The following CSNK1D variants were observed in gnomAD, a reference collection of about 807,000 sequenced individuals.
The protein encoded by CSNK1D is casein kinase I isoform delta.
In CSNK1D, 16 loss-of-function variants were observed where a neutral mutation model predicts 46.6. That is an observed-to-expected ratio of 0.34 (90% CI 0.23 to 0.52). CSNK1D has a LOEUF of 0.52. CSNK1D is among the 20% of genes least tolerant of loss of function. CSNK1D has a pLI of 0.95. For missense variants in CSNK1D, 398 were observed against 578.4 expected, an observed-to-expected ratio of 0.69 and a Z score of 3.20; for synonymous variants, 276 against 228.2, an observed-to-expected ratio of 1.21 and a Z score of -1.89.
At chr17:82,247,815 T>C in intron 8 of CSNK1D, 2 of 985,456 alleles carry the variant, frequency 2.0e-6, no homozygotes, top group Non-Finnish European at 2.4e-6. Context: ...CCAAAATCCC[T>C]GCATCTTTGG....
chr17:82,253,518 C>T, intron 3 of CSNK1D: 2 of 461,168 alleles, frequency 4.3e-6, no homozygotes, highest in South Asian at 3.9e-5. Context: ...GACAACCCGC[C>T]ACTAGACATC....
rs986726708 is a variant in CSNK1D, at chr17:82,244,821, C to T, written c.1208G>A (p.Arg403Gln). ...AGACTGAAGACCACTGGAAGCCACC[C>T]GACCAGGAATCTGTCGGAGCCAAAG... ...SRMSTSQIPG[R>Q]VASSGLQSVV... The change falls in exon 9 of 9, where the codon CGG (arginine) becomes CAG (glutamine). Residue 403 changes from arginine (R) to glutamine (Q), a missense_variant. This residue lies in a region of CSNK1D where 181 missense variants were observed against 208.0 expected (regional missense o/e 0.87). Coordinates refer to ENST00000314028, the MANE Select transcript of CSNK1D (RefSeq NM_001893.6). 8.1e-6 allele frequency: 13 copies of T among 1,613,898 alleles called. No homozygotes were observed. Among genetic ancestry groups the T allele is most frequent in the East Asian group, 4.5e-5 (2 of 44,880 alleles).
Position 82,248,520 on chromosome 17 carries a change from G to C in CSNK1D, c.1197+355C>G. 1 of 1,132,364 alleles carries C rather than the reference G, an allele frequency of 8.8e-7. No homozygotes were observed. Among genetic ancestry groups the C allele is most frequent in the Non-Finnish European group, 1.1e-6 (1 of 916,792 alleles). The allele number at this position is 1,132,364 out of a possible 1,614,324, so 70.1% of individuals were successfully genotyped here. A position where few individuals can be genotyped will look rare whatever the true frequency, so the allele number is the denominator to read the frequency against. ...ATGAGGAAGGCTCCCTCGGGCTGGG[G>C]GCACCCACAATGGGGCGCAAGCAGG... On this transcript the variant is annotated intron_variant, in intron 8 of 8. Transcript: ENST00000314028. This position sits in a 1 kb window ranked among gnomAD's most constrained non-coding sequence, Gnocchi z 4.1.
At chr17:82,273,720 A>C, upstream of CSNK1D, 5 of 417,850 alleles carry the variant, frequency 1.2e-5, no homozygotes, top group South Asian at 1.0e-4. The surrounding 1 kb of genome is among the most constrained non-coding windows in gnomAD (Gnocchi z 5.1). Flanking sequence ...TCCCCTAGCA[A>C]CCCGGCGGGG....
In CSNK1D at chr17:82,243,982, G is replaced by A. The variant is rs941561029; in HGVS notation, c.*799C>T. The A allele has an allele frequency of 2.0e-6, 2 of 986,362 alleles. No individual in the cohort carries two copies. Among genetic ancestry groups the A allele is most frequent in the African/African-American group, 1.7e-5 (1 of 57,322 alleles). The allele number at this position is 986,362 out of a possible 1,614,324, so 61.1% of individuals were successfully genotyped here. On this transcript the variant is annotated 3_prime_UTR_variant, in exon 9 of 9. Coordinates refer to ENST00000314028, the MANE Select transcript of CSNK1D (RefSeq NM_001893.6). ...CTGGGGAAGAAGCGCGCAGTGCTTT[G>A]CCTGGTAACACCCACTGCACCCCTG...
At position 82,249,122 on chromosome 17, in the gene CSNK1D, T is replaced by C; in HGVS notation, c.1058-108A>G. 1 of 1,358,328 alleles carries C rather than the reference T, an allele frequency of 7.4e-7. No homozygotes were observed. Among genetic ancestry groups the C allele is most frequent in the Non-Finnish European group, 1.0e-6 (1 of 999,828 alleles). The allele number at this position is 1,358,328 out of a possible 1,614,324, so 84.1% of individuals were successfully genotyped here. A position where few individuals can be genotyped will look rare whatever the true frequency, so the allele number is the denominator to read the frequency against. On this transcript the variant is annotated intron_variant, in intron 7 of 8. Transcript: ENST00000314028. The surrounding 1 kb of genome is among the most constrained non-coding windows in gnomAD (Gnocchi z 6.7). ...AGAGGACCCTGGGCTGCCTGGACAGTCAGGACCTGGCTGTGGCCGATGGCC... is the reference window on the plus strand; with the variant it reads ...AGAGGACCCTGGGCTGCCTGGACAGCCAGGACCTGGCTGTGGCCGATGGCC...
chr17:82,240,235 G>A (rs572573023), downstream of CSNK1D: 21 of 423,116 alleles, frequency 5.0e-5, no homozygotes, highest in South Asian at 4.0e-4. Context: ...AGCAGTTGCA[G>A]GGATCAAGGT....
At chr17:82,265,391 C>T (rs1007083011) in intron 2 of CSNK1D, 2 of 403,380 alleles carry the variant, frequency 5.0e-6, no homozygotes, top group African/African-American at 2.1e-5. Context: ...GTTGGCCAGG[C>T]TAGTCTCAAA....
In CSNK1D at chr17:82,243,636, G is replaced by A. The variant is rs2147147591; in HGVS notation, c.*1145C>T. On this transcript the variant is annotated 3_prime_UTR_variant, in exon 9 of 9. Coordinates refer to ENST00000314028, the MANE Select transcript of CSNK1D (RefSeq NM_001893.6). Reference sequence around the variant, plus strand: ...CGGTTGGGAGAGTCACCTGCTCCTTGGCACCTCAGGGTGGGTCCTTCTGGC... The same window carrying A: ...CGGTTGGGAGAGTCACCTGCTCCTTAGCACCTCAGGGTGGGTCCTTCTGGC... 1 of 985,486 alleles carries A rather than the reference G, an allele frequency of 1.0e-6. No homozygotes were observed. Among genetic ancestry groups the A allele is most frequent in the Middle Eastern group, 5.2e-4 (1 of 1,914 alleles). The allele number at this position is 985,486 out of a possible 1,614,324, so 61.0% of individuals were successfully genotyped here. A position where few individuals can be genotyped will look rare whatever the true frequency, so the allele number is the denominator to read the frequency against.
chr17:82,246,504 A>C (rs1599575900), intron 8 of CSNK1D: 4 of 1,064,080 alleles, frequency 3.8e-6, no homozygotes, highest in South Asian at 2.9e-5. Flanking sequence ...CCAAGTAAAA[A>C]CCCCAAACAG....
rs374955482 is a variant in CSNK1D, at chr17:82,250,460, G to T, written c.886-858C>A. 3.1e-6 allele frequency: 1 copy of T among 326,558 alleles called. No individual in the cohort carries two copies. The highest frequency in any genetic ancestry group is 2.2e-5 in the African/African-American group (1 of 45,702). The allele number at this position is 326,558 out of a possible 1,614,324, so 20.2% of individuals were successfully genotyped here. A position where few individuals can be genotyped will look rare whatever the true frequency, so the allele number is the denominator to read the frequency against. ...CAGGAGGGTCGCTCTGATTCCTCCC[G>T]AGGCAGCACAGCCCCGGCAGAGGGA... On this transcript the variant is annotated intron_variant, in intron 6 of 8. Transcript: ENST00000314028. This position sits in a 1 kb window ranked among gnomAD's most constrained non-coding sequence, Gnocchi z 4.6.
rs369895747 is a variant in CSNK1D at position 82,252,969 on chromosome 17, G to A, written c.565+47C>T. 228 of 1,547,398 alleles carry A rather than the reference G, an allele frequency of 1.5e-4. No individual in the cohort carries two copies. The highest frequency in any genetic ancestry group is 1.9e-4 in the South Asian group (17 of 89,264). On this transcript the variant is annotated intron_variant, in intron 4 of 8. Coordinates refer to ENST00000314028, the MANE Select transcript of CSNK1D (RefSeq NM_001893.6). The surrounding 1 kb of genome is among the most constrained non-coding windows in gnomAD (Gnocchi z 4.6). ...CCTCTCCCTGGGCTGAGGCATGGAC[G>A]CGCCCAAAGGCACCCCAGGTCAGTG...
rs112553966 is a variant in CSNK1D, at chr17:82,251,827, G to GAA, written c.737-302_737-301dup. On this transcript the variant is annotated intron_variant, in intron 5 of 8. Transcript: ENST00000314028. The surrounding 1 kb of genome is among the most constrained non-coding windows in gnomAD (Gnocchi z 4.5). Reference sequence around the variant, plus strand: ...AACACAGTGAAACCCCATCTCTACTGAAAAAAAAAAAAAAAAAGTTCTAGA... The same window carrying GAA: ...AACACAGTGAAACCCCATCTCTACTGAAAAAAAAAAAAAAAAAAAGTTCTAGA... 5.0e-3 allele frequency: 1,314 copies of GAA among 264,958 alleles called. No homozygotes were observed. The highest frequency in any genetic ancestry group is 8.3e-3 in the South Asian group (256 of 30,928). The allele number at this position is 264,958 out of a possible 1,614,324, so 16.4% of individuals were successfully genotyped here.
At position 82,249,538 on chromosome 17, in the gene CSNK1D, T is replaced by C. The variant is rs1212089510; in HGVS notation, c.950A>G (p.His317Arg). The C allele has an allele frequency of 7.1e-6, 11 of 1,546,560 alleles. No individual in the cohort carries two copies. The highest frequency in any genetic ancestry group is 9.6e-6 in the Non-Finnish European group (11 of 1,148,108). ...ERRDREERLR[H>R]SRNPATRGLP... is the part of the protein sequence containing the mutation. ...GCCGCGGGTAGCCGGGTTCCGCGAG[T>C]GTCTCAGCCGCTCCTCTCGGTCCCT... The change falls in exon 7 of 9, where the codon CAC (histidine) becomes CGC (arginine). Residue 317 changes from histidine (H) to arginine (R), a missense_variant. His to Arg is a conservative substitution (Grantham distance 29, BLOSUM62 0). Transcript: ENST00000314028. This position sits in a 1 kb window ranked among gnomAD's most constrained non-coding sequence, Gnocchi z 6.7.
At position 82,248,456 on chromosome 17, in the gene CSNK1D, C is replaced by T. The variant is rs1045179896; in HGVS notation, c.1197+419G>A. On this transcript the variant is annotated intron_variant, in intron 8 of 8. Coordinates refer to ENST00000314028, the MANE Select transcript of CSNK1D (RefSeq NM_001893.6). The surrounding 1 kb of genome is among the most constrained non-coding windows in gnomAD (Gnocchi z 4.1). ...CACAAGAAGCCCGTGGAGGTCCCTA[C>T]GGGCCTCCATCCCTGGCCAGTGGCA... 2.1e-5 allele frequency: 22 copies of T among 1,060,364 alleles called. No individual in the cohort carries two copies. Among genetic ancestry groups the T allele is most frequent in the African/African-American group, 2.0e-4 (12 of 59,134 alleles). The allele number at this position is 1,060,364 out of a possible 1,614,324, so 65.7% of individuals were successfully genotyped here.
Position 82,273,372 on chromosome 17 carries a change from T to G in CSNK1D, c.10A>C (p.Arg4=). The G allele has an allele frequency of 6.2e-7, 1 of 1,610,814 alleles. No individual in the cohort carries two copies. Among genetic ancestry groups the G allele is most frequent in the Non-Finnish European group, 8.5e-7 (1 of 1,179,404 alleles). The part of the protein sequence containing the change: MEL[R]VGNRYRLGRK... Reference sequence around the variant, plus strand: ...CCCAGCCGGTACCTGTTCCCGACTCTCAGCTCCATGGCGGCGGCGGCCCGA... The same window carrying G: ...CCCAGCCGGTACCTGTTCCCGACTCGCAGCTCCATGGCGGCGGCGGCCCGA... The change falls in exon 1 of 9, where the codon AGA becomes CGA. Residue 4 remains arginine (R), a synonymous_variant. Transcript: ENST00000314028. This position sits in a 1 kb window ranked among gnomAD's most constrained non-coding sequence, Gnocchi z 5.1.
At chr17:82,242,596 C>A, downstream of CSNK1D, 2 of 958,312 alleles carry the variant, frequency 2.1e-6, no homozygotes, top group Non-Finnish European at 2.5e-6. Flanking sequence ...AGTATTTTCA[C>A]ACAGTTCACC....
At chr17:82,245,062 C>T (rs545273772) in intron 8 of CSNK1D, 85 of 629,594 alleles carry the variant, frequency 1.4e-4, no homozygotes, top group African/African-American at 1.3e-3. Context: ...GCAAGGTGCC[C>T]GCGGAGCCGG....
chr17:82,255,652 A>AC lies in CSNK1D; in HGVS notation c.188-76dup. On this transcript the variant is annotated intron_variant, in intron 2 of 8. Transcript: ENST00000314028. The surrounding 1 kb of genome is among the most constrained non-coding windows in gnomAD (Gnocchi z 5.9). ...TCCACACTAAGTCTGCACTGTGCAC[A>AC]CCAAGGGGTCATGGTGACAATCCTG... 2 of 1,568,532 alleles carry AC rather than the reference A, an allele frequency of 1.3e-6. No homozygotes were observed. Among genetic ancestry groups the AC allele is most frequent in the Non-Finnish European group, 8.8e-7 (1 of 1,140,016 alleles).
Sources: gnomAD v4.1 joint callset for allele counts on GRCh38, gnomAD v4.1.1 for gene constraint, gnomAD v4.1.1 regional missense constraint, Gnocchi (gnomAD v3.1) non-coding constraint, MANE v1.5 for transcripts, NCBI Gene and HGNC (gene_info 2026-07-23, HGNC 2026-07-21) for gene names.